Variants in NMNAT1 observed in about 807,000 individuals in gnomAD.
NMNAT1 encodes nicotinamide/nicotinic acid mononucleotide adenylyltransferase 1.
A neutral mutation model predicts 16.7 loss-of-function variants in NMNAT1; 11 were observed. The observed-to-expected ratio is 0.66, with a 90% confidence interval of 0.41 to 1.09. The LOEUF is 1.09. Among genes scored for constraint, NMNAT1 ranks in the 50% least tolerant of loss-of-function variants. The pLI, the probability that NMNAT1 is intolerant of heterozygous loss-of-function variation, is 0.00. For missense variants in NMNAT1, 280 were observed against 332.3 expected (o/e 0.84, Z 1.22); for synonymous variants, 110 against 119.8 (o/e 0.92, Z 0.53).
At chr1:9,950,845 T>A (rs991101755) in intron 1 of NMNAT1, among the ~76,000 whole-genome samples, 5 of 152,014 alleles carry the variant, frequency 3.3e-5, no homozygotes, top group Middle Eastern at 3.2e-3. Context: ...TCCCAGCACT[T>A]TGGGAGGCTG....
rs778701965 is a variant in NMNAT1, at chr1:9,981,021, T to G, written c.300-10T>G. ...AAAGAGAAATATTCTATTGTTTTGT[T>G]GTTTTATAGACACCATCAAGAGAAA... On this transcript the variant is annotated splice_polypyrimidine_tract_variant and intron_variant, in intron 3 of 4. Transcript: ENST00000377205. 11 of 1,592,150 alleles carry G rather than the reference T, an allele frequency of 6.9e-6. No homozygotes were observed. Among genetic ancestry groups the G allele is most frequent in the Non-Finnish European group, 9.4e-6 (11 of 1,174,422 alleles).
Position 9,962,800 on chromosome 1 carries a change from G to A in NMNAT1, c.-56-9218G>A, listed in dbSNP as rs1233969192. ...GGGTTCACGCCATTCTCCCGCCTCA[G>A]CCTCCCGAGTAGCTGGGACTACAGG... is the stretch of plus-strand genomic sequence containing the variant. On this transcript the variant is annotated intron_variant, in intron 1 of 4. Transcript: ENST00000377205. Among the ~76,000 whole-genome samples, 5 of 146,174 alleles carry A rather than the reference G, an allele frequency of 3.4e-5. No individual in the cohort carries two copies. In the Admixed American group the frequency reaches 3.6e-4, roughly 11 times the overall value.
chr1:9,976,999 C>T (rs999332019), intron 3 of NMNAT1, among the ~76,000 whole-genome samples: 15 of 147,906 alleles, frequency 1.0e-4, no homozygotes, highest in East Asian at 4.0e-4. Context: ...CTCTGCCTCC[C>T]GGGTTCAAGC....
At chr1:9,960,003 T>G (rs1363556891) in intron 1 of NMNAT1, among the ~76,000 whole-genome samples, 1 of 152,096 alleles carries the variant, frequency 6.6e-6, no homozygotes, top group African/African-American at 2.4e-5. Context: ...TCCTGAGAGG[T>G]GGTGAGGTCA....
intron 2 of NMNAT1, 115 bp from the exon 3 acceptor site, chr1:9,975,477 C>T: frequency 1.2e-6 from 1 of 831,372 alleles, no homozygotes; most frequent in South Asian, 2.0e-5. Flanking sequence ...GCCTGGGGAA[C>T]AGAGCAAGAC....
intron 1 of NMNAT1, among the ~76,000 whole-genome samples, chr1:9,961,126 A>G (rs1641396520): frequency 6.6e-6 from 1 of 152,064 alleles, no homozygotes; most frequent in African/African-American, 2.4e-5. Context: ...AACAAGGGAG[A>G]AAGACAGCTT....
intron 1 of NMNAT1, among the ~76,000 whole-genome samples, chr1:9,959,218 A>G (rs918693637): frequency 6.6e-6 from 1 of 152,016 alleles, no homozygotes; most frequent in Non-Finnish European, 1.5e-5. Flanking sequence ...CTAAAAATAC[A>G]AAAATTAGCT....
rs925692699 is a variant in NMNAT1, at chr1:9,981,221, G to A, written c.439+51G>A. 5 of 1,573,872 alleles carry A rather than the reference G, an allele frequency of 3.2e-6. No homozygotes were observed. In the East Asian group the frequency reaches 9.1e-5, roughly 29 times the overall value. ...GGACTAGAGTTGATAAGATTCTGTAGCTGAGCAAACCCCTGTGTATTTTTT... is the reference window on the plus strand; with the variant it reads ...GGACTAGAGTTGATAAGATTCTGTAACTGAGCAAACCCCTGTGTATTTTTT... On this transcript the variant is annotated intron_variant, in intron 4 of 4. Coordinates refer to ENST00000377205, the MANE Select transcript of NMNAT1 (RefSeq NM_022787.4).
At chr1:9,955,052 A>G (rs1641220787) in intron 1 of NMNAT1, among the ~76,000 whole-genome samples, 1 of 152,204 alleles carries the variant, frequency 6.6e-6, no homozygotes, top group Admixed American at 6.5e-5. Context: ...TGGGAGGCTG[A>G]GGCAGGTGGA....
At chr1:9,958,086 A>G (rs1173979585) in intron 1 of NMNAT1, among the ~76,000 whole-genome samples, 2 of 152,134 alleles carry the variant, frequency 1.3e-5, no homozygotes, top group Admixed American at 6.6e-5. Context: ...CTATATTGAG[A>G]TTTTTGGCTT....
chr1:9,982,488 C>A lies in NMNAT1; in HGVS notation c.627C>A (p.Asn209Lys). The A allele has an allele frequency of 1.2e-6, 2 of 1,614,170 alleles. No individual in the cohort carries two copies. Among genetic ancestry groups the A allele is most frequent in the Non-Finnish European group, 1.7e-6 (2 of 1,180,036 alleles). The change falls in exon 5 of 5, where the codon AAC becomes AAA. Residue 209 changes from asparagine to lysine, a missense_variant. Coordinates refer to ENST00000377205, the MANE Select transcript of NMNAT1 (RefSeq NM_022787.4). ...ATGTGCTGTGGAAACACCGGAGCAA[C>A]ATTCACGTGGTGAATGAATGGATCG... ...ESDVLWKHRS[N>K]IHVVNEWIAN... is the part of the protein sequence containing the mutation.
downstream of NMNAT1, among the ~76,000 whole-genome samples, chr1:9,987,875 A>G (rs1035320657): frequency 7.9e-5 from 12 of 152,064 alleles, no homozygotes; most frequent in African/African-American, 2.9e-4. Context: ...AAAGCAGAAG[A>G]CCCAAGTCTC....
intron 2 of NMNAT1, among the ~76,000 whole-genome samples, chr1:9,974,263 C>G (rs1188359031): frequency 6.6e-6 from 1 of 150,724 alleles, no homozygotes; most frequent in Non-Finnish European, 1.5e-5. Flanking sequence ...GTCACCCTGG[C>G]TGGGCAGGCT....
chr1:9,947,587 C>A, intron 1 of NMNAT1: 1 of 152,428 alleles, frequency 6.6e-6, no homozygotes, highest in Non-Finnish European at 1.5e-5. Context: ...TACAGGCACA[C>A]GCCATCATGC....
downstream of NMNAT1, among the ~76,000 whole-genome samples, chr1:9,989,325 G>A (rs145063426): frequency 2.3e-3 from 344 of 152,198 alleles, 2 homozygotes; most frequent in Non-Finnish European, 4.1e-3. Flanking sequence ...AGGCATGGTG[G>A]CGGGCGCCTG....
chr1:9,972,492 CT>C, intron 2 of NMNAT1: 1 of 44,440 alleles, frequency 2.3e-5, no homozygotes, highest in Non-Finnish European at 4.4e-5. Context: ...AAGACACCAT[CT>C]CAAAAAAAAA....
the NMNAT1 span, among the ~76,000 whole-genome samples, chr1:9,995,641 C>A: frequency 6.6e-6 from 1 of 151,622 alleles, no homozygotes; most frequent in East Asian, 1.9e-4. Flanking sequence ...TTGCAGTGAG[C>A]CAAGATTGCA....
Position 9,982,811 on chromosome 1 carries a change from A to C in NMNAT1, c.*110A>C. 1 of 1,222,196 alleles carries C rather than the reference A, an allele frequency of 8.2e-7. No homozygotes were observed. The highest frequency in any genetic ancestry group is 1.6e-5 in the South Asian group (1 of 63,226). 75.7% of individuals were successfully genotyped at this position (1,222,196 alleles called of 1,614,324 possible). A position where few individuals can be genotyped will look rare whatever the true frequency, so the allele number is the denominator to read the frequency against. On this transcript the variant is annotated 3_prime_UTR_variant, in exon 5 of 5. Coordinates refer to ENST00000377205, the MANE Select transcript of NMNAT1 (RefSeq NM_022787.4). ...TCTGTTGCCTAAACTAAAGCTTAAA[A>C]GTTTAGTAAAAATCGTCTGGGCACA...
At chr1:9,972,372 T>A in intron 2 of NMNAT1, 184 bp downstream of exon 2, 1 of 473,164 alleles carries the variant, frequency 2.1e-6, no homozygotes, top group Non-Finnish European at 3.8e-6. Context: ...TCACTGTGCC[T>A]GTAGTCCTAG....
Sources: gnomAD v4.1 joint callset for allele counts (sites outside exome capture counted in the v4.1 genomes callset) on GRCh38, gnomAD v4.1.1 for gene constraint, MANE v1.5 for transcripts, NCBI Gene and HGNC (gene_info 2026-07-23, HGNC 2026-07-21) for gene names.